The following CNTNAP2 variants were observed in gnomAD, a reference collection of about 807,000 sequenced individuals.
CNTNAP2 encodes the protein contactin-associated protein-like 2.
A neutral mutation model predicts 155.2 loss-of-function variants in CNTNAP2; 98 were observed. The ratio of observed to expected loss-of-function variants is 0.63; its 90% CI spans 0.54 to 0.75. The LOEUF (loss-of-function observed/expected upper bound fraction) is 0.75, where lower values mean the gene tolerates loss of function less well. CNTNAP2 is among the 30% of genes least tolerant of loss of function. CNTNAP2 has a pLI of 0.00. For missense variants in CNTNAP2, 1,727 were observed against 1,688.1 expected, an observed-to-expected ratio of 1.02 and a Z score of -0.40; for synonymous variants, 651 against 631.2, an observed-to-expected ratio of 1.03 and a Z score of -0.47.
At chr7:147,866,414 T>C (rs1023950368) in intron 13 of CNTNAP2, among the ~76,000 whole-genome samples, 2 of 152,020 alleles carry the variant, frequency 1.3e-5, no homozygotes, top group Admixed American at 6.6e-5. Flanking sequence ...GGGAGGAGAG[T>C]TCTGTAGATG....
At chr7:147,744,890 T>C (rs554424300) in intron 13 of CNTNAP2, among the ~76,000 whole-genome samples, 4 of 152,236 alleles carry the variant, frequency 2.6e-5, no homozygotes, top group African/African-American at 7.2e-5. Flanking sequence ...GACCTCCAAA[T>C]TGGGGAGTAG....
At position 147,752,290 on chromosome 7, in the gene CNTNAP2, T is replaced by C. The variant is rs537847066; in HGVS notation, c.2098+112984T>C. On this transcript the variant is annotated intron_variant, in intron 13 of 23. Coordinates refer to ENST00000361727, the MANE Select transcript of CNTNAP2 (RefSeq NM_014141.6). ...AAAACCTGTTTGGGGCCACACTTTTTTTCTGAAGGGTAACCTTCAAGGTAT... is the reference window on the plus strand; with the variant it reads ...AAAACCTGTTTGGGGCCACACTTTTCTTCTGAAGGGTAACCTTCAAGGTAT... 2.0e-5 allele frequency among the ~76,000 whole-genome samples: 3 copies of C among 149,004 alleles called. No homozygotes were observed. In the East Asian group the frequency reaches 6.0e-4, roughly 30 times the overall value.
intron 1 of CNTNAP2, among the ~76,000 whole-genome samples, chr7:146,299,593 G>T (rs911987805): frequency 1.3e-5 from 2 of 151,820 alleles, no homozygotes; most frequent in Non-Finnish European, 2.9e-5. Flanking sequence ...GTAGATACAG[G>T]GTCTCACTTT....
chr7:147,343,369 T>C (rs1031362168), intron 9 of CNTNAP2, among the ~76,000 whole-genome samples: 3 of 152,066 alleles, frequency 2.0e-5, no homozygotes, highest in African/African-American at 7.2e-5. Context: ...AAGAGTGAAA[T>C]TGGCCATTTC....
At chr7:148,114,529 AAAC>A (rs1804422942) in intron 15 of CNTNAP2, among the ~76,000 whole-genome samples, 1 of 152,208 alleles carries the variant, frequency 6.6e-6, no homozygotes, top group South Asian at 2.1e-4. Flanking sequence ...CAGTATCAAC[AAAC>A]AATAATAACT....
intron 13 of CNTNAP2, among the ~76,000 whole-genome samples, chr7:147,884,247 A>G (rs1799569968): frequency 6.6e-6 from 1 of 152,194 alleles, no homozygotes; most frequent in East Asian, 1.9e-4. Context: ...ACAATGAAAG[A>G]GGTCAGTGAT....
At chr7:147,865,263 C>T (rs1038185230) in intron 13 of CNTNAP2, among the ~76,000 whole-genome samples, 1 of 152,142 alleles carries the variant, frequency 6.6e-6, no homozygotes, top group Non-Finnish European at 1.5e-5. Flanking sequence ...AGCCTTGCAT[C>T]CCAGGGATGA....
At chr7:147,332,343 A>C (rs770303043) in intron 9 of CNTNAP2, among the ~76,000 whole-genome samples, 4 of 152,180 alleles carry the variant, frequency 2.6e-5, no homozygotes, top group Non-Finnish European at 5.9e-5. Context: ...TTTGTTTTTA[A>C]TGATGAAGTT....
At chr7:146,967,657 T>A (rs1463903178) in intron 3 of CNTNAP2, among the ~76,000 whole-genome samples, 6 of 152,194 alleles carry the variant, frequency 3.9e-5, no homozygotes, top group Non-Finnish European at 4.4e-5. Flanking sequence ...GTACATTGAT[T>A]TTGTATCCTG....
At chr7:146,636,414 G>GA (rs1375732630) in intron 1 of CNTNAP2, among the ~76,000 whole-genome samples, 2 of 151,962 alleles carry the variant, frequency 1.3e-5, no homozygotes, top group Non-Finnish European at 2.9e-5. Flanking sequence ...GGTGTTACTA[G>GA]AAAAAAAGCC....
chr7:146,177,317 A>T (rs1159366191), intron 1 of CNTNAP2, among the ~76,000 whole-genome samples: 1 of 152,194 alleles, frequency 6.6e-6, no homozygotes, highest in Non-Finnish European at 1.5e-5. Flanking sequence ...CATGGTTCTT[A>T]AAAATTTCAG....
chr7:147,355,467 T>TA (rs1563172572), intron 9 of CNTNAP2, among the ~76,000 whole-genome samples: 2 of 151,410 alleles, frequency 1.3e-5, no homozygotes. Flanking sequence ...GAGATACAGA[T>TA]ACAAAAAACC....
At chr7:147,105,191 A>G (rs1800740240) in intron 4 of CNTNAP2, among the ~76,000 whole-genome samples, 1 of 151,874 alleles carries the variant, frequency 6.6e-6, no homozygotes, top group Admixed American at 6.6e-5. Flanking sequence ...TCTTCAAATT[A>G]TCTTATTCAA....
intron 1 of CNTNAP2, among the ~76,000 whole-genome samples, chr7:146,476,160 A>C (rs1365879160): frequency 6.6e-6 from 1 of 152,032 alleles, no homozygotes; most frequent in Non-Finnish European, 1.5e-5. Context: ...TATCAACTTC[A>C]CCTTTATTTT....
intron 8 of CNTNAP2, among the ~76,000 whole-genome samples, chr7:147,156,238 T>C (rs552657589): frequency 1.6e-4 from 25 of 152,278 alleles, no homozygotes; most frequent in Admixed American, 1.1e-3. Context: ...TATATGTGTT[T>C]GGTCCATTGA....
chr7:147,515,335 TTG>T (rs1307477683), intron 11 of CNTNAP2, among the ~76,000 whole-genome samples: 5 of 144,610 alleles, frequency 3.5e-5, no homozygotes, highest in African/African-American at 1.0e-4. Flanking sequence ...TTTTGTTTGT[TTG>T]TTTTGAGACA....
chr7:148,234,792 T>C (rs1796018674), intron 20 of CNTNAP2, among the ~76,000 whole-genome samples: 1 of 152,252 alleles, frequency 6.6e-6, no homozygotes. Context: ...ACATGTTCTT[T>C]GAATAATTAT....
chr7:146,166,278 A>G (rs1798311293), intron 1 of CNTNAP2, among the ~76,000 whole-genome samples: 1 of 152,058 alleles, frequency 6.6e-6, no homozygotes, highest in East Asian at 1.9e-4. Flanking sequence ...TTTTTAGTAG[A>G]GATGGGGTTT....
intron 1 of CNTNAP2, among the ~76,000 whole-genome samples, chr7:146,394,765 G>A (rs1000198134): frequency 6.6e-6 from 1 of 151,916 alleles, no homozygotes; most frequent in Non-Finnish European, 1.5e-5. Context: ...TCTTTTTATA[G>A]ATTTGGAGGT....
Sources: gnomAD v4.1 joint callset for allele counts (sites outside exome capture counted in the v4.1 genomes callset) on GRCh38, gnomAD v4.1.1 for gene constraint, MANE v1.5 for transcripts, NCBI Gene and HGNC (gene_info 2026-07-23, HGNC 2026-07-21) for gene names.